Variants in DGKI observed in about 807,000 individuals in gnomAD.
The protein encoded by DGKI is DAG kinase iota.
DGKI carries 55 observed loss-of-function variants against 147.5 expected under a neutral mutation model. That is an observed-to-expected ratio of 0.37 (90% CI 0.30 to 0.47). The LOEUF is 0.47. Among genes scored for constraint, DGKI ranks in the 20% least tolerant of loss-of-function variants. The probability of loss-of-function intolerance (pLI) is 1.00; values close to 1 mark genes in which losing one functional copy is unlikely to be tolerated. For synonymous variants in DGKI, 469 were observed against 477.1 expected (o/e 0.98, Z 0.22); for missense variants, 1,007 against 1,323.8 (o/e 0.76, Z 3.71).
intron 30 of DGKI, among the ~76,000 whole-genome samples, chr7:137,401,054 T>C (rs1811739241): frequency 6.6e-6 from 1 of 152,226 alleles, no homozygotes; most frequent in Non-Finnish European, 1.5e-5. Context: ...AAGACAAGGC[T>C]GTTCTTCTCC....
chr7:137,533,719 C>A (rs1764656868), intron 20 of DGKI, among the ~76,000 whole-genome samples: 1 of 151,918 alleles, frequency 6.6e-6, no homozygotes, highest in Non-Finnish European at 1.5e-5. Context: ...AACTATAGGT[C>A]TTTATAATAT....
intron 18 of DGKI, among the ~76,000 whole-genome samples, chr7:137,572,347 T>A (rs2128976469): frequency 6.6e-6 from 1 of 152,358 alleles, no homozygotes; most frequent in Non-Finnish European, 1.5e-5. Context: ...AAAGAAATCA[T>A]CTGGCAACAA....
At chr7:137,689,174 G>C (rs13230187) in intron 2 of DGKI, among the ~76,000 whole-genome samples, 201 of 152,260 alleles carry the variant, frequency 1.3e-3, no homozygotes, top group Non-Finnish European at 2.2e-3. Context: ...ATCAGGGAAG[G>C]CTGGCAGAAC....
chr7:137,677,400 G>A (rs1356509465), intron 3 of DGKI, among the ~76,000 whole-genome samples: 2 of 152,172 alleles, frequency 1.3e-5, no homozygotes, highest in Non-Finnish European at 2.9e-5. Context: ...CCAATCCAGA[G>A]CCTGTTCATC....
chr7:137,651,737 AT>A (rs1229686803), intron 5 of DGKI, among the ~76,000 whole-genome samples: 1 of 152,182 alleles, frequency 6.6e-6, no homozygotes, highest in Non-Finnish European at 1.5e-5. Flanking sequence ...GGAGGAAGCA[AT>A]GAAAAAGAAT....
intron 1 of DGKI, among the ~76,000 whole-genome samples, chr7:137,700,030 T>C (rs1412908408): frequency 2.6e-5 from 4 of 152,176 alleles, no homozygotes; most frequent in Non-Finnish European, 5.9e-5. Flanking sequence ...CAGAGTGCCA[T>C]AGATATAATG....
chr7:137,489,228 A>G (rs920587993), intron 21 of DGKI, among the ~76,000 whole-genome samples: 3 of 152,282 alleles, frequency 2.0e-5, no homozygotes, highest in Middle Eastern at 6.8e-3. Flanking sequence ...TATTCAATAA[A>G]TGAGTATAAA....
chr7:137,782,723 C>G (rs1226018133), intron 1 of DGKI, among the ~76,000 whole-genome samples: 2 of 152,194 alleles, frequency 1.3e-5, no homozygotes, highest in Non-Finnish European at 2.9e-5. Flanking sequence ...AACCAAGGAC[C>G]CTCACAGAGT....
chr7:137,402,858 G>T (rs564654489), intron 30 of DGKI, among the ~76,000 whole-genome samples: 2 of 151,636 alleles, frequency 1.3e-5, no homozygotes, highest in East Asian at 3.9e-4. Context: ...GAAAAAGGGG[G>T]GTTAAAAAAA....
chr7:137,598,104 C>T (rs746621126), intron 11 of DGKI, among the ~76,000 whole-genome samples, 197 bp from the exon 12 acceptor site: 3 of 152,168 alleles, frequency 2.0e-5, no homozygotes, highest in Non-Finnish European at 4.4e-5. Context: ...GTGTAGGCAT[C>T]AGACATTATT....
chr7:137,531,796 T>C (rs1563071515), intron 20 of DGKI, among the ~76,000 whole-genome samples: 1 of 152,204 alleles, frequency 6.6e-6, no homozygotes, highest in Non-Finnish European at 1.5e-5. Context: ...ATTTGCGTAT[T>C]TTAAAAATGT....
rs189149997 is a variant in DGKI, at chr7:137,506,389, T to G, written c.2248+15477A>C. Among the ~76,000 whole-genome samples the G allele has an allele frequency of 4.5e-3, 682 of 152,250 alleles. 4 individuals are homozygous for G. Among genetic ancestry groups the G allele is most frequent in the African/African-American group, 0.016 (649 of 41,542 alleles). ...ATGTATAATTCCAATTATGTGAAAT[T>G]CTGGAAAGGGCAAAAACTATGCTGA... On this transcript the variant is annotated intron_variant, in intron 21 of 32. Coordinates refer to ENST00000614521, the MANE Select transcript of DGKI (RefSeq NM_001321708.2).
At chr7:137,513,905 AAAG>A (rs1816663075) in intron 21 of DGKI, 1 of 730,156 alleles carries the variant, frequency 1.4e-6, no homozygotes, top group African/African-American at 1.7e-5. Flanking sequence ...CTGAAGCGCA[AAAG>A]AAGAAAGATG....
At chr7:137,781,518 A>T (rs1291277532) in intron 1 of DGKI, among the ~76,000 whole-genome samples, 1 of 152,150 alleles carries the variant, frequency 6.6e-6, no homozygotes, top group African/African-American at 2.4e-5. Flanking sequence ...ATGGGGTCTG[A>T]GACTGAGGCT....
chr7:137,663,754 C>A lies in DGKI; in HGVS notation c.607-7214G>T, dbSNP rs148520782. On this transcript the variant is annotated intron_variant, in intron 3 of 32. Coordinates refer to ENST00000614521, the MANE Select transcript of DGKI (RefSeq NM_001321708.2). The stretch of plus-strand genomic sequence containing the variant: ...ACTACGCCCCAGAAGCCATGGGGTT[C>A]AAAATTACAGAGTTACAGAGAGGTG... Among the ~76,000 whole-genome samples, 232 of 152,110 alleles carry A rather than the reference C, an allele frequency of 1.5e-3. 2 individuals are homozygous for A. The highest frequency in any genetic ancestry group is 5.4e-3 in the African/African-American group (223 of 41,504).
chr7:137,701,649 G>A (rs1244128553), intron 1 of DGKI, among the ~76,000 whole-genome samples: 1 of 151,960 alleles, frequency 6.6e-6, no homozygotes, highest in African/African-American at 2.4e-5. Flanking sequence ...ATATTTGTAA[G>A]ACCTTACACT....
chr7:137,808,584 C>T (rs1412329376), intron 1 of DGKI, among the ~76,000 whole-genome samples: 1 of 152,112 alleles, frequency 6.6e-6, no homozygotes, highest in Non-Finnish European at 1.5e-5. Flanking sequence ...ACTGTCCAGG[C>T]AGTAGCAGGC....
chr7:137,789,745 A>G (rs1213044723), intron 1 of DGKI, among the ~76,000 whole-genome samples: 3 of 152,320 alleles, frequency 2.0e-5, no homozygotes, highest in Middle Eastern at 3.4e-3. Flanking sequence ...GTATTTTGAT[A>G]CACAAGCAAC....
chr7:137,779,001 T>C (rs566420871), intron 1 of DGKI, among the ~76,000 whole-genome samples: 1 of 152,224 alleles, frequency 6.6e-6, no homozygotes, highest in Non-Finnish European at 1.5e-5. Context: ...AAAATTGACA[T>C]GTTAATTCTA....
Sources: gnomAD v4.1 joint callset for allele counts (sites outside exome capture counted in the v4.1 genomes callset) on GRCh38, gnomAD v4.1.1 for gene constraint, MANE v1.5 for transcripts, NCBI Gene and HGNC (gene_info 2026-07-23, HGNC 2026-07-21) for gene names.